Variants in KCNMA1 observed in about 807,000 individuals in gnomAD.
KCNMA1 encodes potassium calcium-activated channel subfamily M alpha 1.
In KCNMA1, 29 loss-of-function variants were observed where a neutral mutation model predicts 140.0. The ratio of observed to expected loss-of-function variants is 0.21; its 90% confidence interval spans 0.15 to 0.28. KCNMA1 has a LOEUF of 0.28. KCNMA1 is among the 10% of genes least tolerant of loss of function. The pLI, the probability that KCNMA1 is intolerant of heterozygous loss-of-function variation, is 1.00. For missense variants in KCNMA1, 880 were observed against 1,602.2 expected (o/e 0.55, Z 7.70); for synonymous variants, 612 against 611.9 (o/e 1.00, Z 0.00).
chr10:77,549,254 T>C (rs1363542413), intron 1 of KCNMA1, among the ~76,000 whole-genome samples: 1 of 152,220 alleles, frequency 6.6e-6, no homozygotes, highest in Non-Finnish European at 1.5e-5. Context: ...CCTTATGATA[T>C]CTCCCATACT....
intron 1 of KCNMA1, among the ~76,000 whole-genome samples, chr10:77,508,565 C>CTTTTTTT (rs773700858): frequency 8.0e-6 from 1 of 124,426 alleles, no homozygotes; most frequent in Non-Finnish European, 1.6e-5. Context: ...TTTCCTTTTT[C>CTTTTTTT]TTTTTTTTTT....
chr10:77,023,051 C>T (rs1000207220), intron 16 of KCNMA1: 1 of 397,398 alleles, frequency 2.5e-6, no homozygotes, highest in Non-Finnish European at 5.1e-6. Context: ...CTCAGTCCCG[C>T]AGGGAAATGC....
At chr10:77,031,502 G>A (rs1220912672) in intron 15 of KCNMA1, among the ~76,000 whole-genome samples, 1 of 152,124 alleles carries the variant, frequency 6.6e-6, no homozygotes, top group East Asian at 1.9e-4. Flanking sequence ...TACTATAATA[G>A]GTATCCTCTA....
chr10:77,581,763 G>A (rs960827216), intron 1 of KCNMA1, among the ~76,000 whole-genome samples: 6 of 152,190 alleles, frequency 3.9e-5, no homozygotes, highest in African/African-American at 1.2e-4. Context: ...ACCTTGGAAC[G>A]GTGACTAGGA....
chr10:77,003,435 T>G (rs568317816), intron 18 of KCNMA1, among the ~76,000 whole-genome samples: 4 of 152,172 alleles, frequency 2.6e-5, no homozygotes, highest in Non-Finnish European at 5.9e-5. Context: ...GGGAAAAAAG[T>G]CTTCAATTAA....
intron 1 of KCNMA1, among the ~76,000 whole-genome samples, chr10:77,483,616 C>G (rs2098427463): frequency 6.6e-6 from 1 of 152,210 alleles, no homozygotes; most frequent in South Asian, 2.1e-4. Context: ...TCCAGCCACC[C>G]CTGCTTGCCA....
chr10:77,270,571 G>C (rs1407987086), intron 2 of KCNMA1, among the ~76,000 whole-genome samples: 1 of 148,860 alleles, frequency 6.7e-6, no homozygotes, highest in East Asian at 2.0e-4. Flanking sequence ...GCCCAGGCTA[G>C]AGTGCGGTAG....
At chr10:77,499,537 T>C (rs1462270805) in intron 1 of KCNMA1, among the ~76,000 whole-genome samples, 3 of 151,762 alleles carry the variant, frequency 2.0e-5, no homozygotes, top group African/African-American at 7.3e-5. Context: ...TATCAGATTA[T>C]CTATGAAAAA....
chr10:77,194,609 C>A (rs148683459), intron 3 of KCNMA1, among the ~76,000 whole-genome samples: 1 of 152,056 alleles, frequency 6.6e-6, no homozygotes, highest in Non-Finnish European at 1.5e-5. Flanking sequence ...CTGACAGTTG[C>A]GGATAATGAG....
chr10:77,428,216 T>G (rs1323723902), intron 1 of KCNMA1, among the ~76,000 whole-genome samples: 4 of 152,204 alleles, frequency 2.6e-5, no homozygotes, highest in African/African-American at 9.6e-5. Context: ...GGTCCCAATG[T>G]GGCTTCTCCA....
chr10:77,594,328 G>C (rs1284595897), intron 1 of KCNMA1, among the ~76,000 whole-genome samples: 1 of 152,160 alleles, frequency 6.6e-6, no homozygotes, highest in Non-Finnish European at 1.5e-5. Context: ...AAGCACTCCA[G>C]CCAGCCACCA....
intron 1 of KCNMA1, among the ~76,000 whole-genome samples, chr10:77,619,059 G>A (rs754395345): frequency 3.9e-5 from 6 of 152,170 alleles, no homozygotes; most frequent in Non-Finnish European, 5.9e-5. Context: ...GGCAGGAGCT[G>A]GACCTTGTGA....
chr10:77,070,414 G>A (rs2096150538), intron 14 of KCNMA1, among the ~76,000 whole-genome samples: 1 of 152,130 alleles, frequency 6.6e-6, no homozygotes, highest in Non-Finnish European at 1.5e-5. Flanking sequence ...TTTTAACAGG[G>A]GTTCTGCCGC....
At chr10:77,255,189 CA>C (rs2060464272) in intron 2 of KCNMA1, among the ~76,000 whole-genome samples, 1 of 152,182 alleles carries the variant, frequency 6.6e-6, no homozygotes. Flanking sequence ...AAAACAAAAG[CA>C]ATTTGATAAA....
At chr10:76,970,287 A>G in intron 19 of KCNMA1, 1 of 557,806 alleles carries the variant, frequency 1.8e-6, no homozygotes, top group Non-Finnish European at 3.2e-6. Flanking sequence ...TTGAACATAC[A>G]CTTTAAACAG....
chr10:77,319,326 G>C (rs1371847949), intron 2 of KCNMA1, among the ~76,000 whole-genome samples: 1 of 152,188 alleles, frequency 6.6e-6, no homozygotes, highest in East Asian at 1.9e-4. Context: ...GACTGTTGAA[G>C]ATTTCACAGG....
chr10:77,085,063 C>T (rs1456772880), intron 11 of KCNMA1, among the ~76,000 whole-genome samples: 2 of 152,198 alleles, frequency 1.3e-5, no homozygotes, highest in East Asian at 3.9e-4. Flanking sequence ...ACCATCTGCA[C>T]CATCATCCTA....
intron 5 of KCNMA1, among the ~76,000 whole-genome samples, chr10:77,161,808 T>C (rs2154079617): frequency 6.6e-6 from 1 of 152,350 alleles, no homozygotes; most frequent in East Asian, 1.9e-4. Flanking sequence ...ATTCATCTTT[T>C]GTTATATTGA....
At chr10:76,899,726 A>T (rs2152107663) in intron 25 of KCNMA1, among the ~76,000 whole-genome samples, 2 of 152,296 alleles carry the variant, frequency 1.3e-5, no homozygotes, top group East Asian at 3.8e-4. Flanking sequence ...GATTTTACTC[A>T]ATGAATGATT....
Sources: allele counts gnomAD v4.1 joint callset (sites outside exome capture counted in the v4.1 genomes callset), GRCh38; gene constraint gnomAD v4.1.1; transcripts MANE v1.5; gene names NCBI Gene and HGNC (gene_info 2026-07-23, HGNC 2026-07-21).